The following IP6K3 variants were observed in gnomAD, a reference collection of about 807,000 sequenced individuals.
The protein encoded by IP6K3 is ATP:1D-myo-inositol-hexakisphosphate phosphotransferase.
A neutral mutation model predicts 28.8 loss-of-function variants in IP6K3; 20 were observed. The observed-to-expected ratio is 0.70, with a 90% CI of 0.49 to 1.01. The LOEUF is 1.01. IP6K3 is among the 50% of genes least tolerant of loss of function. The probability of loss-of-function intolerance (pLI) is 0.00; values close to 1 mark genes in which losing one functional copy is unlikely to be tolerated. For synonymous variants in IP6K3, 213 were observed against 221.3 expected (o/e 0.96, Z 0.33); for missense variants, 480 against 537.1 (o/e 0.89, Z 1.05).
chr6:33,725,441 C>T lies in IP6K3; in HGVS notation c.765G>A (p.Gln255=). ...CTGTGGTGGGTCCCCTGCGACCTAC[C>T]TGCATGCCGCAGATGCGCACACCCA... is the stretch of plus-strand genomic sequence containing the variant. ...ACLGVRICGM[Q]VYQTDKKYFL... The change falls in exon 5 of 6, where the codon CAG becomes CAA. Residue 255 remains glutamine, a splice_region_variant and synonymous_variant. Coordinates refer to ENST00000293756, the MANE Select transcript of IP6K3 (RefSeq NM_054111.5). 1.2e-6 allele frequency: 2 copies of T among 1,607,880 alleles called. No individual in the cohort carries two copies. Among genetic ancestry groups the T allele is most frequent in the South Asian group, 1.1e-5 (1 of 90,880 alleles).
At position 33,726,881 on chromosome 6, in the gene IP6K3, C is replaced by T. The variant is rs145429872; in HGVS notation, c.439G>A (p.Glu147Lys). 2.0e-5 allele frequency: 33 copies of T among 1,609,804 alleles called. No homozygotes were observed. The highest frequency in any genetic ancestry group is 5.5e-5 in the South Asian group (5 of 90,788). Residue 147 changes from glutamate (E) to lysine (K), a missense_variant, in exon 4 of 6, where the codon GAG (glutamate) becomes AAG (lysine). By Grantham distance (56) the Glu-to-Lys change is moderately conservative (BLOSUM62 1). Transcript: ENST00000293756. ...ESPAKALLRS[E>K]PHLNTPAFSL... is the part of the protein sequence containing the mutation. ...AAGGCTGGAGTGTTGAGGTGGGGCT[C>T]GGACCTCAGAAGAGCCTTGGCCGGG...
At chr6:33,736,754 TCATGATAC>T (rs1473310566) in intron 1 of IP6K3, among the ~76,000 whole-genome samples, 1 of 152,128 alleles carries the variant, frequency 6.6e-6, no homozygotes, top group African/African-American at 2.4e-5. Flanking sequence ...TTGATTTACA[TCATGATAC>T]CATGACATAA....
intron 4 of IP6K3, 100 bp from the exon 5 acceptor site, chr6:33,725,716 C>T: frequency 9.3e-7 from 1 of 1,072,916 alleles, no homozygotes; most frequent in Non-Finnish European, 1.4e-6. Context: ...ATTCCCTATT[C>T]TGGGCACCAT....
chr6:33,723,748 G>T (rs868294089), intron 5 of IP6K3, among the ~76,000 whole-genome samples: 7 of 152,366 alleles, frequency 4.6e-5, no homozygotes, highest in Middle Eastern at 6.8e-3. Flanking sequence ...GGTGTGGACA[G>T]GGTTTCTAGG....
chr6:33,749,946 C>T (rs78373504), upstream of IP6K3, among the ~76,000 whole-genome samples: 1,193 of 152,220 alleles, frequency 7.8e-3, 14 homozygotes, highest in African/African-American at 0.022. Context: ...TGCCACCATT[C>T]GGAGGAGAAA....
Position 33,722,715 on chromosome 6 carries a change from A to C in IP6K3, c.*5T>G. ...CCAGAAGAATCCAGATAAGCCCAGG[A>C]AGTTTCATTCTCCCTCTTGGATATC... On this transcript the variant is annotated 3_prime_UTR_variant, in exon 6 of 6. Coordinates refer to ENST00000293756, the MANE Select transcript of IP6K3 (RefSeq NM_054111.5). The C allele has an allele frequency of 6.3e-7, 1 of 1,582,118 alleles. No individual in the cohort carries two copies. Among genetic ancestry groups the C allele is most frequent in the Non-Finnish European group, 8.6e-7 (1 of 1,157,454 alleles).
intron 2 of IP6K3, among the ~76,000 whole-genome samples, chr6:33,729,589 C>T (rs538925672): frequency 1.3e-5 from 2 of 152,246 alleles, no homozygotes; most frequent in Non-Finnish European, 2.9e-5. Flanking sequence ...CTGTGTTCCT[C>T]TGTGGCCCTC....
At chr6:33,754,950 G>A in the IP6K3 span, among the ~76,000 whole-genome samples, 5 of 152,352 alleles carry the variant, frequency 3.3e-5, no homozygotes, top group Admixed American at 1.3e-4. Flanking sequence ...TTGCACAGAT[G>A]AGGAAACTGA....
rs189941772 is a variant in IP6K3 at position 33,725,989 on chromosome 6, C to T, written c.590-373G>A. 1.6e-3 allele frequency among the ~76,000 whole-genome samples: 239 copies of T among 152,250 alleles called. 1 individual carries two copies. The highest frequency in any genetic ancestry group is 5.3e-3 in the African/African-American group (220 of 41,540). ...TCAGTCCTGCTGAATGGACCAATAC[C>T]TTTTGGGAGAAGTGGGTTGATGTTA... On this transcript the variant is annotated intron_variant, in intron 4 of 5. Coordinates refer to ENST00000293756, the MANE Select transcript of IP6K3 (RefSeq NM_054111.5).
At chr6:33,733,770 G>C (rs1162274101) in intron 2 of IP6K3, among the ~76,000 whole-genome samples, 1 of 152,242 alleles carries the variant, frequency 6.6e-6, no homozygotes, top group Non-Finnish European at 1.5e-5. Flanking sequence ...GTGTGACGCT[G>C]ATCGGTCTTG....
rs368463851 is a variant in IP6K3, at chr6:33,743,411, T to C, written c.-180+3347A>G. 2.5e-3 allele frequency among the ~76,000 whole-genome samples: 377 copies of C among 152,266 alleles called. 1 individual carries two copies. The highest frequency in any genetic ancestry group is 8.4e-3 in the African/African-American group (347 of 41,548). On this transcript the variant is annotated intron_variant, in intron 1 of 5. Coordinates refer to ENST00000293756, the MANE Select transcript of IP6K3 (RefSeq NM_054111.5). ...TTTGGTACAAGTACCATTCAATGTC[T>C]TTGTGATGCCCGAGGGAGCATTTTT...
chr6:33,724,335 T>C (rs1053862499), intron 5 of IP6K3, among the ~76,000 whole-genome samples: 2 of 152,264 alleles, frequency 1.3e-5, no homozygotes, highest in African/African-American at 4.8e-5. Context: ...AAAGGACATC[T>C]GTGCAACAAA....
intron 2 of IP6K3, among the ~76,000 whole-genome samples, chr6:33,733,319 G>C (rs151144016): frequency 6.6e-6 from 1 of 152,380 alleles, no homozygotes. Context: ...ACCTGAAGGG[G>C]AAAGCAGGGT....
rs772548989 is a variant in IP6K3 at position 33,722,756 on chromosome 6, G to A, written c.1197C>T (p.Leu399=). 6.2e-7 allele frequency: 1 copy of A among 1,613,364 alleles called. No individual in the cohort carries two copies. Among genetic ancestry groups the A allele is most frequent in the Non-Finnish European group, 8.5e-7 (1 of 1,179,634 alleles). The change falls in exon 6 of 6, where the codon CTC becomes CTT. Residue 399 remains leucine, a synonymous_variant. Transcript: ENST00000293756. Reference sequence around the variant, plus strand: ...CTTGGATATCCTGCAGGATCCTGATGAGGTTTTCCAGGCCAAAAATATAGC... The same window carrying A: ...CTTGGATATCCTGCAGGATCCTGATAAGGTTTTCCAGGCCAAAAATATAGC... ...DPGYIFGLEN[L]IRILQDIQEG...
chr6:33,732,186 G>C (rs1302228139), intron 2 of IP6K3, among the ~76,000 whole-genome samples: 1 of 152,206 alleles, frequency 6.6e-6, no homozygotes, highest in Non-Finnish European at 1.5e-5. Context: ...TGCAGCCCCA[G>C]GGCACCATCA....
rs1582201119 is a variant in IP6K3 at position 33,726,638 on chromosome 6, G to A, written c.589+93C>T. 19 of 1,297,098 alleles carry A rather than the reference G, an allele frequency of 1.5e-5. No individual in the cohort carries two copies. In the East Asian group the frequency reaches 4.6e-4, roughly 32 times the overall value. 80.3% of individuals were successfully genotyped at this position (1,297,098 alleles called of 1,614,324 possible). A position where few individuals can be genotyped will look rare whatever the true frequency, so the allele number is the denominator to read the frequency against. ...CCCTGCTACCCTCCATTGGCCCCGT[G>A]TTTGTGTGTGTTTCCTCTACCCACC... is the stretch of plus-strand genomic sequence containing the variant. On this transcript the variant is annotated intron_variant, in intron 4 of 5. Transcript: ENST00000293756.
intron 2 of IP6K3, among the ~76,000 whole-genome samples, chr6:33,731,512 A>G (rs773849832): frequency 6.6e-6 from 1 of 152,166 alleles, no homozygotes; most frequent in Non-Finnish European, 1.5e-5. Flanking sequence ...TCCATTTCTC[A>G]TATTGTCAGA....
the IP6K3 span, among the ~76,000 whole-genome samples, chr6:33,759,275 A>G: frequency 2.6e-5 from 4 of 152,016 alleles, no homozygotes; most frequent in Non-Finnish European, 4.4e-5. Flanking sequence ...AGTTATGTCC[A>G]TGTCACTTTT....
upstream of IP6K3, among the ~76,000 whole-genome samples, chr6:33,751,158 G>C (rs376835597): frequency 2.6e-5 from 4 of 152,160 alleles, no homozygotes; most frequent in Non-Finnish European, 4.4e-5. The surrounding 1 kb of genome is among the most constrained non-coding windows in gnomAD (Gnocchi z 4.3). Context: ...TAGGCGGCTT[G>C]TGGCTTCCCT....
Sources: gnomAD v4.1 joint callset for allele counts (sites outside exome capture counted in the v4.1 genomes callset) on GRCh38, gnomAD v4.1.1 for gene constraint, Gnocchi (gnomAD v3.1) non-coding constraint, MANE v1.5 for transcripts, NCBI Gene and HGNC (gene_info 2026-07-23, HGNC 2026-07-21) for gene names.